SHC4: variants seen among roughly 807,000 people sequenced by gnomAD.
The protein encoded by SHC4 is SHC-transforming protein 4.
A neutral mutation model predicts 69.4 loss-of-function variants in SHC4; 41 were observed. That is an observed-to-expected ratio of 0.59 (90% CI 0.46 to 0.77). SHC4 has a LOEUF of 0.77. Among genes scored for constraint, SHC4 ranks in the 30% least tolerant of loss-of-function variants. The pLI is 0.00. For missense variants in SHC4, 777 were observed against 783.8 expected, an observed-to-expected ratio of 0.99 and a Z score of 0.10; for synonymous variants, 318 against 299.3, an observed-to-expected ratio of 1.06 and a Z score of -0.64.
At chr15:48,899,180 A>C (rs1250193729) in intron 2 of SHC4, among the ~76,000 whole-genome samples, 1 of 152,220 alleles carries the variant, frequency 6.6e-6, no homozygotes, top group Non-Finnish European at 1.5e-5. Context: ...TATTTAAAAC[A>C]GTTTGGCCAG....
At chr15:48,932,817 G>C (rs990816442) in intron 1 of SHC4, among the ~76,000 whole-genome samples, 1 of 151,968 alleles carries the variant, frequency 6.6e-6, no homozygotes, top group African/African-American at 2.4e-5. Context: ...CAATGTGTCC[G>C]TATCTCTTTT....
rs1344598696 is a variant in SHC4 at position 48,962,899 on chromosome 15, C to G, written c.117G>C (p.Thr39=). 7 of 1,613,380 alleles carry G rather than the reference C, an allele frequency of 4.3e-6. No individual in the cohort carries two copies. The highest frequency in any genetic ancestry group is 5.9e-6 in the Non-Finnish European group (7 of 1,180,032). ...CTCCGGAGCTACCTTCGTCCAAGGA[C>G]GTGATCGACTCGTTCCGAAAGCGGC... The part of the protein sequence containing the change: ...KYSRFRNESI[T]SLDEGSSGGS... Residue 39 remains threonine (T), a synonymous_variant, in exon 1 of 12, where the codon ACG becomes ACC. Transcript: ENST00000332408.
chr15:48,859,038 T>C (rs182226532), intron 6 of SHC4, among the ~76,000 whole-genome samples: 59 of 152,266 alleles, frequency 3.9e-4, no homozygotes, highest in South Asian at 3.3e-3. Flanking sequence ...GAGACAACCG[T>C]CTTTATGGAC....
intron 1 of SHC4, among the ~76,000 whole-genome samples, chr15:48,951,490 A>T (rs1901363936): frequency 6.6e-6 from 1 of 152,132 alleles, no homozygotes; most frequent in Non-Finnish European, 1.5e-5. Context: ...TTTAAAAAAA[A>T]ATCCAGTGGC....
intron 1 of SHC4, among the ~76,000 whole-genome samples, chr15:48,956,703 T>C (rs1306901608): frequency 6.6e-6 from 1 of 152,176 alleles, no homozygotes; most frequent in Non-Finnish European, 1.5e-5. Context: ...ACACCCTCCT[T>C]TCTGCCTTAC....
At chr15:48,946,071 A>C (rs908524613) in intron 1 of SHC4, 2 of 152,226 alleles carry the variant, frequency 1.3e-5, no homozygotes, top group Non-Finnish European at 2.9e-5. Context: ...TATCTGAAAA[A>C]GTCAATGATT....
intron 10 of SHC4, 21 bp from the exon 11 acceptor site, chr15:48,835,043 G>T: frequency 6.3e-7 from 1 of 1,596,202 alleles, no homozygotes; most frequent in Non-Finnish European, 8.5e-7. Flanking sequence ...AACACAAAGA[G>T]AGACATCATC....
In SHC4 at chr15:48,832,652, CTT is replaced by C. The variant is rs565795033; in HGVS notation, c.1737+2115_1737+2116del. Reference sequence around the variant, plus strand: ...CCCTCTTCTTCTTCTCCTTCACTCTCTTGTTTTTGAACTCCAATAATGCATAA... The same window carrying C: ...CCCTCTTCTTCTTCTCCTTCACTCTCGTTTTTGAACTCCAATAATGCATAA... On this transcript the variant is annotated intron_variant, in intron 11 of 11. Coordinates refer to ENST00000332408, the MANE Select transcript of SHC4 (RefSeq NM_203349.4). Among the ~76,000 whole-genome samples, 93 of 152,200 alleles carry C rather than the reference CTT, an allele frequency of 6.1e-4. 1 individual carries two copies. Among genetic ancestry groups the C allele is most frequent in the Admixed American group, 1.7e-3 (26 of 15,272 alleles).
Position 48,835,101 on chromosome 15 carries a change from T to C in SHC4, c.1484-79A>G, listed in dbSNP as rs560095918. 4.2e-5 allele frequency: 62 copies of C among 1,487,786 alleles called. No individual in the cohort carries two copies. In the African/African-American group the frequency reaches 7.6e-4, roughly 18 times the overall value. The allele number at this position is 1,487,786 out of a possible 1,614,324, so 92.2% of individuals were successfully genotyped here. The stretch of plus-strand genomic sequence containing the variant: ...TTCATTCATTTATTCACTCAGTAAA[T>C]ATAACCTGAGGTCCTACTGTGTGCC... On this transcript the variant is annotated intron_variant, in intron 10 of 11. Coordinates refer to ENST00000332408, the MANE Select transcript of SHC4 (RefSeq NM_203349.4).
intron 4 of SHC4, chr15:48,877,497 A>G (rs1595741929): frequency 2.0e-6 from 2 of 984,758 alleles, no homozygotes; most frequent in Non-Finnish European, 2.4e-6. Flanking sequence ...AAAACACACA[A>G]AATAGTATTT....
chr15:48,961,361 T>C (rs1275635081), intron 1 of SHC4, among the ~76,000 whole-genome samples: 1 of 152,202 alleles, frequency 6.6e-6, no homozygotes, highest in Non-Finnish European at 1.5e-5. Flanking sequence ...GTGATCTCTA[T>C]TTGTCTTTAT....
chr15:48,878,170 T>A, intron 4 of SHC4: 1 of 1,544,746 alleles, frequency 6.5e-7, no homozygotes, highest in Non-Finnish European at 8.8e-7. Context: ...GTTGAGCGGT[T>A]TGCACAATGT....
intron 10 of SHC4, among the ~76,000 whole-genome samples, chr15:48,839,365 G>C (rs945200100): frequency 4.6e-5 from 7 of 152,186 alleles, no homozygotes; most frequent in African/African-American, 1.7e-4. Context: ...GTGGGAAATA[G>C]CCTGTAAAAG....
At chr15:48,933,076 T>A (rs1900999635) in intron 1 of SHC4, among the ~76,000 whole-genome samples, 1 of 152,120 alleles carries the variant, frequency 6.6e-6, no homozygotes. Flanking sequence ...ATAATAAAGA[T>A]ATTAATGAGC....
intron 9 of SHC4, among the ~76,000 whole-genome samples, chr15:48,847,599 A>C (rs1317203024): frequency 2.0e-5 from 3 of 152,234 alleles, no homozygotes; most frequent in Non-Finnish European, 4.4e-5. Context: ...TATCTCTCAA[A>C]TGCCTATATA....
chr15:48,904,099 G>T (rs1237744418), intron 2 of SHC4, among the ~76,000 whole-genome samples: 1 of 152,042 alleles, frequency 6.6e-6, no homozygotes, highest in Non-Finnish European at 1.5e-5. Context: ...AAAGGAATCT[G>T]GCATCTTAAA....
chr15:48,926,461 C>CT (rs59533063), intron 1 of SHC4, among the ~76,000 whole-genome samples: 240 of 145,272 alleles, frequency 1.7e-3, no homozygotes, highest in African/African-American at 2.9e-3. Flanking sequence ...AATAGTATTT[C>CT]TTTTTTTTTT....
intron 3 of SHC4, among the ~76,000 whole-genome samples, chr15:48,887,718 T>G (rs1005731842): frequency 6.6e-6 from 1 of 151,874 alleles, no homozygotes; most frequent in Admixed American, 6.6e-5. Context: ...AAAAGTTGGT[T>G]CTCCCAAAAG....
chr15:48,943,913 G>C (rs1005884858), intron 1 of SHC4, among the ~76,000 whole-genome samples: 1 of 151,992 alleles, frequency 6.6e-6, no homozygotes, highest in African/African-American at 2.4e-5. Flanking sequence ...TGGCTTCCAG[G>C]GAAGCTGAGA....
Sources: gnomAD v4.1 joint callset for allele counts (sites outside exome capture counted in the v4.1 genomes callset) on GRCh38, gnomAD v4.1.1 for gene constraint, MANE v1.5 for transcripts, NCBI Gene and HGNC (gene_info 2026-07-23, HGNC 2026-07-21) for gene names.